The following INTS12 variants were observed in gnomAD, a reference collection of about 807,000 sequenced individuals.
INTS12 encodes integrator complex subunit 12.
In INTS12, 13 loss-of-function variants were observed where a neutral mutation model predicts 41.6. The ratio of observed to expected loss-of-function variants is 0.31; its 90% confidence interval spans 0.20 to 0.50. INTS12 has a LOEUF of 0.50. Ranked by LOEUF, INTS12 falls within the 20% of genes least tolerant of loss-of-function variation. The pLI is 0.98. For synonymous variants in INTS12, 199 were observed against 191.4 expected (o/e 1.04, Z -0.33); for missense variants, 432 against 541.6 (o/e 0.80, Z 2.01).
rs573792380 is a variant in INTS12, at chr4:105,700,690, T to C, written c.-9-676A>G. Among the ~76,000 whole-genome samples, 8 of 129,164 alleles carry C rather than the reference T, an allele frequency of 6.2e-5. No individual in the cohort carries two copies. In the South Asian group the frequency reaches 1.8e-3, roughly 30 times the overall value. 84.7% of individuals were successfully genotyped at this position (129,164 alleles called of 152,430 possible). A position where few individuals can be genotyped will look rare whatever the true frequency, so the allele number is the denominator to read the frequency against. On this transcript the variant is annotated intron_variant, in intron 2 of 7. Transcript: ENST00000340139. ...TAAAAGTAAGGTCTCTGAGGGATAA[T>C]ATCATATCTACTTAAAACACACACA...
intron 6 of INTS12, among the ~76,000 whole-genome samples, chr4:105,689,359 T>C (rs1398353661): frequency 6.6e-6 from 1 of 152,202 alleles, no homozygotes; most frequent in African/African-American, 2.4e-5. Flanking sequence ...AATGCACATA[T>C]GAGAATCTCA....
In INTS12 at chr4:105,686,814, G is replaced by C. The variant is rs1305939053; in HGVS notation, c.682C>G (p.Gln228Glu). 6.2e-7 allele frequency: 1 copy of C among 1,613,840 alleles called. No individual in the cohort carries two copies. The highest frequency in any genetic ancestry group is 1.3e-5 in the African/African-American group (1 of 75,016). Residue 228 changes from glutamine (Q) to glutamate (E), a missense_variant, in exon 7 of 8, where the codon CAG becomes GAG. Gln to Glu is a conservative substitution (Grantham distance 29). Around this residue, in one of 3 missense-constraint regions of INTS12, gnomAD observed 258 missense variants for 309.9 expected, o/e 0.83. Transcript: ENST00000340139. The stretch of plus-strand genomic sequence containing the variant: ...GAAACAACTGCAGGGGCTGGTTTCT[G>C]CGGTGGTTTCTGAGTTTTTTGAGCC... Reference protein sequence around the residue: ...RMAQKTQKPPQKPAPAVVSVT... With the variant: ...RMAQKTQKPPEKPAPAVVSVT...
Position 105,683,031 on chromosome 4 carries a change from G to A in INTS12, c.1091C>T (p.Pro364Leu), listed in dbSNP as rs778986287. ...TTPTVPLKPPPPLTLGKTGLS... is the reference protein window; with the variant it reads ...TTPTVPLKPPLPLTLGKTGLS... ...GCCAGTTTTACCCAAGGTTAGAGGTGGAGGTGGTTTTAAAGGTACAGTGGG... is the reference window on the plus strand; with the variant it reads ...GCCAGTTTTACCCAAGGTTAGAGGTAGAGGTGGTTTTAAAGGTACAGTGGG... The change falls in exon 8 of 8, where the codon CCA becomes CTA. Residue 364 changes from proline (P) to leucine (L), a missense_variant. By Grantham distance (98) the Pro-to-Leu change is moderately conservative. Transcript: ENST00000340139. 6.2e-7 allele frequency: 1 copy of A among 1,614,134 alleles called. No homozygotes were observed. Among genetic ancestry groups the A allele is most frequent in the Non-Finnish European group, 8.5e-7 (1 of 1,179,968 alleles).
At chr4:105,691,358 AAGTT>A (rs1203507445) in intron 6 of INTS12, among the ~76,000 whole-genome samples, 1 of 152,254 alleles carries the variant, frequency 6.6e-6, no homozygotes, top group African/African-American at 2.4e-5. Context: ...AAGTGAATAA[AAGTT>A]AGAAAACTAT....
At chr4:105,707,306 C>A (rs924371739) in intron 1 of INTS12, among the ~76,000 whole-genome samples, 2 of 151,270 alleles carry the variant, frequency 1.3e-5, no homozygotes, top group Non-Finnish European at 2.9e-5. Flanking sequence ...GCAACTTTCT[C>A]CCTTGAAGCA....
chr4:105,694,416 G>T (rs1731789510), intron 4 of INTS12, among the ~76,000 whole-genome samples: 2 of 151,852 alleles, frequency 1.3e-5, no homozygotes, highest in African/African-American at 2.4e-5. Flanking sequence ...ACCTCCGCCT[G>T]CTGGGTTAGA....
intron 6 of INTS12, among the ~76,000 whole-genome samples, chr4:105,689,150 C>T (rs1307436378): frequency 6.6e-6 from 1 of 152,196 alleles, no homozygotes; most frequent in Non-Finnish European, 1.5e-5. Flanking sequence ...GGGAAAAACT[C>T]CACTACTGCG....
intron 4 of INTS12, among the ~76,000 whole-genome samples, chr4:105,693,872 TA>T (rs1349941350): frequency 6.6e-6 from 1 of 152,114 alleles, no homozygotes; most frequent in Non-Finnish European, 1.5e-5. Flanking sequence ...ATATTATCAA[TA>T]TACCCATTAG....
intron 3 of INTS12, among the ~76,000 whole-genome samples, chr4:105,699,327 T>C (rs1206655807): frequency 2.6e-5 from 4 of 152,210 alleles, no homozygotes; most frequent in Non-Finnish European, 5.9e-5. Flanking sequence ...CAGGTGTGTT[T>C]GGTATCAAAA....
chr4:105,703,999 T>A (rs1422015372), intron 1 of INTS12, among the ~76,000 whole-genome samples, 190 bp from the exon 2 acceptor site: 2 of 151,926 alleles, frequency 1.3e-5, no homozygotes, highest in African/African-American at 2.4e-5. Flanking sequence ...GCCTATGGAT[T>A]ATTTCCCATA....
At chr4:105,694,995 G>A (rs960036128) in intron 4 of INTS12, among the ~76,000 whole-genome samples, 2 of 151,660 alleles carry the variant, frequency 1.3e-5, no homozygotes, top group Admixed American at 1.3e-4. Context: ...CACGATCACC[G>A]CTCACTGCAA....
rs1732168025 is a variant in INTS12 at position 105,703,790 on chromosome 4, G to A, written c.-152C>T. On this transcript the variant is annotated 5_prime_UTR_variant, in exon 2 of 8. Transcript: ENST00000340139. ...CATTTTCTTTTAAAATTGCTTCTGT[G>A]TTTCAGTAGATGGCCTCACCTACTT... 2 of 152,146 alleles carry A rather than the reference G, an allele frequency of 1.3e-5. No homozygotes were observed. Among genetic ancestry groups the A allele is most frequent in the Non-Finnish European group, 2.9e-5 (2 of 68,036 alleles). 9.4% of individuals were successfully genotyped at this position (152,146 alleles called of 1,614,324 possible). A position where few individuals can be genotyped will look rare whatever the true frequency, so the allele number is the denominator to read the frequency against.
At chr4:105,692,748 A>C (rs1297668844) in intron 5 of INTS12, among the ~76,000 whole-genome samples, 1 of 152,164 alleles carries the variant, frequency 6.6e-6, no homozygotes, top group Non-Finnish European at 1.5e-5. Context: ...TTAGTCTTCC[A>C]ACAGCCTCAT....
intron 6 of INTS12, among the ~76,000 whole-genome samples, chr4:105,691,636 G>A (rs1287713529): frequency 6.6e-6 from 1 of 152,102 alleles, no homozygotes; most frequent in Non-Finnish European, 1.5e-5. Context: ...ACAAAGAGTG[G>A]GGCTTTGTAT....
chr4:105,708,656 CGATCCGTCT>C lies in INTS12; in HGVS notation c.-199_-191del. ...AACTCACCGTTCCGCCCCGCCCTGC[CGATCCGTCT>C]GTTCCCGGTGGTCCCTTCGGAAACG... On this transcript the variant is annotated 5_prime_UTR_variant, in exon 1 of 8. Transcript: ENST00000340139. 1.0e-6 allele frequency: 1 copy of C among 960,168 alleles called. No homozygotes were observed. The highest frequency in any genetic ancestry group is 1.2e-6 in the Non-Finnish European group (1 of 806,990). 59.5% of individuals were successfully genotyped at this position (960,168 alleles called of 1,614,324 possible).
At chr4:105,707,852 G>T in intron 1 of INTS12, 1 of 541,118 alleles carries the variant, frequency 1.8e-6, no homozygotes, top group Non-Finnish European at 2.4e-6. Flanking sequence ...GATCTCTCCA[G>T]TCTAAATTGG....
chr4:105,683,336 T>A lies in INTS12; in HGVS notation c.805-19A>T. 1 of 1,542,746 alleles carries A rather than the reference T, an allele frequency of 6.5e-7. No homozygotes were observed. Among genetic ancestry groups the A allele is most frequent in the Non-Finnish European group, 8.8e-7 (1 of 1,139,290 alleles). ...TGGATGTCTAAAAAAATAAAGTAAA[T>A]AATTACATTAGAGCCAAGTTTAATC... On this transcript the variant is annotated intron_variant, in intron 7 of 7. Transcript: ENST00000340139.
chr4:105,699,765 ATTGTT>A (rs1322847663), intron 3 of INTS12, 80 bp downstream of exon 3: 1 of 911,446 alleles, frequency 1.1e-6, no homozygotes, highest in African/African-American at 1.7e-5. Context: ...TTCGGCAGAG[ATTGTT>A]TTGAGATGGT....
intron 7 of INTS12, among the ~76,000 whole-genome samples, chr4:105,684,683 T>C (rs940608441): frequency 6.6e-6 from 1 of 152,106 alleles, no homozygotes; most frequent in Non-Finnish European, 1.5e-5. Context: ...AAAAACTACA[T>C]AAACCATTTA....
Sources: allele counts gnomAD v4.1 joint callset (sites outside exome capture counted in the v4.1 genomes callset), GRCh38; gene constraint gnomAD v4.1.1; regional missense constraint gnomAD v4.1.1; transcripts MANE v1.5; gene names NCBI Gene and HGNC (gene_info 2026-07-23, HGNC 2026-07-21).